EPB41: variants seen among roughly 807,000 people sequenced by gnomAD.
EPB41 encodes protein 4.1.
EPB41 carries 65 observed loss-of-function variants against 108.0 expected under a neutral mutation model. The observed-to-expected ratio is 0.60, with a 90% confidence interval of 0.49 to 0.74. The LOEUF (loss-of-function observed/expected upper bound fraction) is 0.74. Ranked by LOEUF, EPB41 falls within the 30% of genes least tolerant of loss-of-function variation. The probability of loss-of-function intolerance (pLI) is 0.00; values close to 1 mark genes in which losing one functional copy is unlikely to be tolerated. For missense variants in EPB41, 875 were observed against 1,037.0 expected (o/e 0.84, Z 2.15); for synonymous variants, 336 against 358.9 (o/e 0.94, Z 0.72).
chr1:28,943,014 T>G (rs1395496241), intron 1 of EPB41, among the ~76,000 whole-genome samples: 2 of 152,206 alleles, frequency 1.3e-5, no homozygotes, highest in Non-Finnish European at 2.9e-5. Flanking sequence ...CCCCAACATT[T>G]TGATTCCATT....
intron 11 of EPB41, chr1:29,041,451 GC>G (rs1344662007): frequency 6.6e-6 from 1 of 152,210 alleles, no homozygotes; most frequent in African/African-American, 2.4e-5. Context: ...CTGTACTCCA[GC>G]CTGGGCAACA....
At chr1:29,097,697 C>A in intron 16 of EPB41, 110 bp from the exon 17 acceptor site, 1 of 1,321,560 alleles carries the variant, frequency 7.6e-7, no homozygotes, top group Non-Finnish European at 1.1e-6. Context: ...GTAGATTGAG[C>A]TAGCTCTGTA....
chr1:29,010,127 A>G (rs755461570), intron 4 of EPB41, among the ~76,000 whole-genome samples: 13 of 152,150 alleles, frequency 8.5e-5, no homozygotes, highest in African/African-American at 2.4e-4. Context: ...ACTTGAGGCC[A>G]GGAGTTCCAG....
At chr1:28,950,309 A>C (rs2094664618) in intron 1 of EPB41, among the ~76,000 whole-genome samples, 1 of 152,250 alleles carries the variant, frequency 6.6e-6, no homozygotes. Flanking sequence ...CCAAGAAGCC[A>C]CATAGATAGC....
intron 1 of EPB41, among the ~76,000 whole-genome samples, chr1:28,899,251 A>T (rs920046505): frequency 1.3e-5 from 2 of 152,242 alleles, no homozygotes; most frequent in Non-Finnish European, 2.9e-5. Context: ...ATGTACAGAA[A>T]GCACCTAGTG....
chr1:28,933,265 A>T (rs190847011), intron 1 of EPB41, among the ~76,000 whole-genome samples: 9 of 152,316 alleles, frequency 5.9e-5, no homozygotes, highest in African/African-American at 2.2e-4. Context: ...ATAGGAAGAG[A>T]GAAATAAGTA....
intron 4 of EPB41, among the ~76,000 whole-genome samples, chr1:29,003,371 C>A (rs537099514): frequency 1.6e-4 from 25 of 152,332 alleles, no homozygotes; most frequent in South Asian, 4.1e-4. Context: ...TCTAGTTGCA[C>A]AGTCAGTTTA....
intron 1 of EPB41, among the ~76,000 whole-genome samples, chr1:28,921,535 G>A (rs2093069374): frequency 6.6e-6 from 1 of 151,986 alleles, no homozygotes; most frequent in Admixed American, 6.6e-5. Context: ...GGGACACATG[G>A]AAGGCAGCTT....
At chr1:29,019,550 A>G (rs1572561832) in intron 7 of EPB41, among the ~76,000 whole-genome samples, 1 of 152,312 alleles carries the variant, frequency 6.6e-6, no homozygotes, top group East Asian at 1.9e-4. Context: ...ATTAATGTGA[A>G]AATCTGACCT....
chr1:28,987,094 C>CT (rs1359343395), intron 1 of EPB41, among the ~76,000 whole-genome samples: 1 of 152,004 alleles, frequency 6.6e-6, no homozygotes, highest in Non-Finnish European at 1.5e-5. Flanking sequence ...AACCACAGTC[C>CT]TTTTTTAAGG....
intron 1 of EPB41, among the ~76,000 whole-genome samples, chr1:28,958,157 A>G (rs1429152385): frequency 6.6e-6 from 1 of 152,178 alleles, no homozygotes; most frequent in Non-Finnish European, 1.5e-5. Flanking sequence ...TTACCTGGTT[A>G]GTAGGATTAC....
At chr1:29,036,302 C>G (rs1639407957) in intron 10 of EPB41, among the ~76,000 whole-genome samples, 1 of 148,380 alleles carries the variant, frequency 6.7e-6, no homozygotes, top group Admixed American at 6.8e-5. Flanking sequence ...TCTTGTTGCC[C>G]AGGCTGGAGT....
In EPB41 at chr1:29,115,262, A is replaced by G. The variant is rs186512741; in HGVS notation, c.2497-437A>G. Among the ~76,000 whole-genome samples, 254 of 152,234 alleles carry G rather than the reference A, an allele frequency of 1.7e-3. 1 individual carries two copies. Among genetic ancestry groups the G allele is most frequent in the African/African-American group, 5.7e-3 (235 of 41,536 alleles). On this transcript the variant is annotated intron_variant, in intron 19 of 20. Transcript: ENST00000343067. The surrounding 1 kb of genome is among the most constrained non-coding windows in gnomAD (Gnocchi z 4.4). ...ACAAAAATTAGCTGGGCGTAGTGGT[A>G]CACACCCGTAATCCCAGCTACTCAG... is the stretch of plus-strand genomic sequence containing the variant.
intron 1 of EPB41, among the ~76,000 whole-genome samples, chr1:28,896,014 C>T (rs769417629): frequency 6.6e-6 from 1 of 152,180 alleles, no homozygotes; most frequent in Non-Finnish European, 1.5e-5. Flanking sequence ...GAAGGCTGGA[C>T]AGCTTGGCAC....
At chr1:28,971,346 G>T (rs2095493139) in intron 1 of EPB41, among the ~76,000 whole-genome samples, 1 of 151,594 alleles carries the variant, frequency 6.6e-6, no homozygotes, top group Non-Finnish European at 1.5e-5. Context: ...ACCATGCCTG[G>T]CTAATTTTTG....
At chr1:29,003,229 C>A (rs954926940) in intron 4 of EPB41, among the ~76,000 whole-genome samples, 2 of 152,196 alleles carry the variant, frequency 1.3e-5, no homozygotes, top group Non-Finnish European at 2.9e-5. Flanking sequence ...TCATGGTCAT[C>A]TAAGTTTTCC....
chr1:28,963,465 A>C (rs2095280080), intron 1 of EPB41, among the ~76,000 whole-genome samples: 1 of 152,088 alleles, frequency 6.6e-6, no homozygotes, highest in African/African-American at 2.4e-5. Flanking sequence ...GTAACAATGG[A>C]GAAATAACAT....
intron 16 of EPB41, among the ~76,000 whole-genome samples, chr1:29,082,741 CT>C (rs1269690816): frequency 6.6e-6 from 1 of 152,166 alleles, no homozygotes; most frequent in Non-Finnish European, 1.5e-5. Context: ...CTCATTTGAT[CT>C]GTGGAGTCCT....
At chr1:29,087,195 C>A (rs944286497) in intron 16 of EPB41, among the ~76,000 whole-genome samples, 14 of 152,034 alleles carry the variant, frequency 9.2e-5, no homozygotes, top group Non-Finnish European at 1.8e-4. Flanking sequence ...CCCGCCTTGG[C>A]CTCCCAAAGT....
Sources: gnomAD v4.1 joint callset for allele counts (sites outside exome capture counted in the v4.1 genomes callset) on GRCh38, gnomAD v4.1.1 for gene constraint, Gnocchi (gnomAD v3.1) non-coding constraint, MANE v1.5 for transcripts, NCBI Gene and HGNC (gene_info 2026-07-23, HGNC 2026-07-21) for gene names.